The following KLHDC9 variants were observed in gnomAD, a reference collection of about 807,000 sequenced individuals.
KLHDC9 encodes kelch domain-containing protein 9.
KLHDC9 carries 26 observed loss-of-function variants against 31.5 expected under a neutral mutation model. That is an observed-to-expected ratio of 0.83 (90% confidence interval 0.61 to 1.15). KLHDC9 has a LOEUF of 1.15. Among genes scored for constraint, KLHDC9 ranks in the 50% most tolerant of loss-of-function variants. The pLI, the probability that KLHDC9 is intolerant of heterozygous loss-of-function variation, is 0.00. For missense variants in KLHDC9, 437 were observed against 467.7 expected (o/e 0.93, Z 0.61); for synonymous variants, 176 against 184.7 (o/e 0.95, Z 0.38).
rs1334979797 is a variant in KLHDC9, at chr1:161,100,290, T to A, written c.*66T>A. 7.0e-7 allele frequency: 1 copy of A among 1,435,376 alleles called. No individual in the cohort carries two copies. The highest frequency in any genetic ancestry group is 9.6e-7 in the Non-Finnish European group (1 of 1,040,834). 88.9% of individuals were successfully genotyped at this position (1,435,376 alleles called of 1,614,324 possible). On this transcript the variant is annotated 3_prime_UTR_variant, in exon 4 of 4. Coordinates refer to ENST00000368011, the MANE Select transcript of KLHDC9 (RefSeq NM_152366.5). ...TTTGTTGCAAACCTATAAAGCGTTA[T>A]CACCAGAGCTATCTGCTTCACTTCA...
chr1:161,100,060 G>A lies in KLHDC9; in HGVS notation c.887-1G>A, dbSNP rs1237012625. ...AACCACCCTCTGCCCGTATCCAACA[G>A]GCACATCTCCTCCTTTGTGGTTCCA... On this transcript the variant is annotated splice_acceptor_variant, in intron 3 of 3. Coordinates refer to ENST00000368011, the MANE Select transcript of KLHDC9 (RefSeq NM_152366.5). LOFTEE classifies it high-confidence loss of function. The A allele has an allele frequency of 1.1e-5, 17 of 1,614,176 alleles. No individual in the cohort carries two copies. The highest frequency in any genetic ancestry group is 1.4e-5 in the Non-Finnish European group (17 of 1,180,012).
Position 161,098,917 on chromosome 1 carries a change from C to T in KLHDC9, c.382C>T (p.Pro128Ser). ...GTGGACAGGGACCCCTGGTGACTGC[C>T]CCCCCGCCGGCCTCAGTAGTCACAC... is the stretch of plus-strand genomic sequence containing the variant. The part of the protein sequence containing the change: ...EAWTGTPGDC[P>S]PAGLSSHTCT... The change falls in exon 1 of 4, where the codon CCC becomes TCC. Residue 128 changes from proline to serine, a missense_variant. By Grantham distance (74) the Pro-to-Ser change is moderately conservative (BLOSUM62 -1). Coordinates refer to ENST00000368011, the MANE Select transcript of KLHDC9 (RefSeq NM_152366.5). The surrounding 1 kb of genome is among the most constrained non-coding windows in gnomAD (Gnocchi z 6.3). The T allele has an allele frequency of 6.4e-7, 1 of 1,570,876 alleles. No individual in the cohort carries two copies. The highest frequency in any genetic ancestry group is 8.6e-7 in the Non-Finnish European group (1 of 1,161,724).
At position 161,100,258 on chromosome 1, in the gene KLHDC9, G is replaced by A; in HGVS notation, c.*34G>A. On this transcript the variant is annotated 3_prime_UTR_variant, in exon 4 of 4. Transcript: ENST00000368011. ...AAGACACATCACTAAGCCTCGTTTTGTTTTGCTTTGTTGCAAACCTATAAA... is the reference window on the plus strand; with the variant it reads ...AAGACACATCACTAAGCCTCGTTTTATTTTGCTTTGTTGCAAACCTATAAA... The A allele has an allele frequency of 6.3e-7, 1 of 1,595,282 alleles. No homozygotes were observed. Among genetic ancestry groups the A allele is most frequent in the Non-Finnish European group, 8.6e-7 (1 of 1,166,218 alleles).
intron 3 of KLHDC9, 69 bp from the exon 4 acceptor site, chr1:161,099,992 G>A: frequency 6.4e-7 from 1 of 1,567,902 alleles, no homozygotes; most frequent in African/African-American, 1.3e-5. Context: ...CAAGCCCTTG[G>A]TCATGTTGAA....
In KLHDC9 at chr1:161,099,005, A is replaced by G. The variant is rs1289103995; in HGVS notation, c.470A>G (p.Gln157Arg). 6.3e-7 allele frequency: 1 copy of G among 1,595,994 alleles called. No individual in the cohort carries two copies. The highest frequency in any genetic ancestry group is 1.1e-5 in the South Asian group (1 of 90,324). ...VAGREGGIHT[Q>R]RRYGSIYTLR... The stretch of plus-strand genomic sequence containing the variant: ...GGCCGGGAGGGCGGTATCCACACTC[A>G]GCGACGCTATGGAAGCATCTACACA... The change falls in exon 1 of 4, where the codon CAG becomes CGG. Residue 157 changes from glutamine to arginine, a missense_variant. By Grantham distance (43) the Gln-to-Arg change is conservative (BLOSUM62 1). Transcript: ENST00000368011.
At position 161,098,863 on chromosome 1, in the gene KLHDC9, C is replaced by A. The variant is rs868417750; in HGVS notation, c.328C>A (p.Leu110Met). 2 of 1,579,006 alleles carry A rather than the reference C, an allele frequency of 1.3e-6. No individual in the cohort carries two copies. Among genetic ancestry groups the A allele is most frequent in the Admixed American group, 3.6e-5 (2 of 55,310 alleles). Residue 110 changes from leucine to methionine, a missense_variant, in exon 1 of 4, where the codon CTG becomes ATG. Leu to Met is a conservative substitution (Grantham distance 15). Coordinates refer to ENST00000368011, the MANE Select transcript of KLHDC9 (RefSeq NM_152366.5). The surrounding 1 kb of genome is among the most constrained non-coding windows in gnomAD (Gnocchi z 6.3). ...TCGCCGCTTGGCCACAGTGACCGCA[C>A]TGGACACAGAGCGCGGTGTGTGGGA... Reference protein sequence around the residue: ...GSRRLATVTALDTERGVWEAW... With the variant: ...GSRRLATVTAMDTERGVWEAW...
rs2101693439 is a variant in KLHDC9 at position 161,098,516 on chromosome 1, C to T, written c.-20C>T. 2 of 1,534,840 alleles carry T rather than the reference C, an allele frequency of 1.3e-6. No homozygotes were observed. Among genetic ancestry groups the T allele is most frequent in the South Asian group, 1.2e-5 (1 of 82,540 alleles). On this transcript the variant is annotated 5_prime_UTR_variant, in exon 1 of 4. Transcript: ENST00000368011. The surrounding 1 kb of genome is among the most constrained non-coding windows in gnomAD (Gnocchi z 6.3). ...CGTTCCAAGCCGCAGACCCCACCGC[C>T]CTCCCTCTCCCCGGGGCCCATGGCG...
At position 161,098,719 on chromosome 1, in the gene KLHDC9, G is replaced by A. The variant is rs781692583; in HGVS notation, c.184G>A (p.Asp62Asn). The change falls in exon 1 of 4, where the codon GAC (aspartate) becomes AAC (asparagine). Residue 62 changes from aspartate (D) to asparagine (N), a missense_variant. Transcript: ENST00000368011. The surrounding 1 kb of genome is among the most constrained non-coding windows in gnomAD (Gnocchi z 6.3). ...REPSSDTVVFDPARGQAVRLG... is the reference protein window; with the variant it reads ...REPSSDTVVFNPARGQAVRLG... ...GCCCAGCAGCGATACGGTGGTTTTCGACCCAGCTAGGGGCCAGGCCGTACG... is the reference window on the plus strand; with the variant it reads ...GCCCAGCAGCGATACGGTGGTTTTCAACCCAGCTAGGGGCCAGGCCGTACG... 1 of 1,611,586 alleles carries A rather than the reference G, an allele frequency of 6.2e-7. No homozygotes were observed. Among genetic ancestry groups the A allele is most frequent in the African/African-American group, 1.3e-5 (1 of 74,848 alleles).
At position 161,100,117 on chromosome 1, in the gene KLHDC9, A is replaced by G. The variant is rs199777766; in HGVS notation, c.943A>G (p.Met315Val). 7.4e-6 allele frequency: 12 copies of G among 1,614,184 alleles called. No individual in the cohort carries two copies. The East Asian group carries it at 2.2e-4, about 30-fold the overall frequency. ...CTGTGCAGATCGTGGGATGAAACGC[A>G]TGGGCCATCGCACCTGCCTTTGGAA... ...FPCADRGMKR[M>V]GHRTCLWNDQ... is the part of the protein sequence containing the mutation. The change falls in exon 4 of 4, where the codon ATG becomes GTG. Residue 315 changes from methionine (M) to valine (V), a missense_variant. Transcript: ENST00000368011.
Position 161,099,861 on chromosome 1 carries a change from G to A in KLHDC9, c.886+65G>A, listed in dbSNP as rs1189216163. 2.0e-6 allele frequency: 3 copies of A among 1,487,148 alleles called. No individual in the cohort carries two copies. The African/African-American group carries it at 4.2e-5, about 21-fold the overall frequency. 92.1% of individuals were successfully genotyped at this position (1,487,148 alleles called of 1,614,324 possible). A position where few individuals can be genotyped will look rare whatever the true frequency, so the allele number is the denominator to read the frequency against. On this transcript the variant is annotated intron_variant, in intron 3 of 3. Coordinates refer to ENST00000368011, the MANE Select transcript of KLHDC9 (RefSeq NM_152366.5). Reference sequence around the variant, plus strand: ...AAGATGGGGGAACCTGAAGACTACAGAAAGAGGATGGAGTGATGGGGTAGG... The same window carrying A: ...AAGATGGGGGAACCTGAAGACTACAAAAAGAGGATGGAGTGATGGGGTAGG...
At chr1:161,099,228 C>T (rs755158978) in intron 1 of KLHDC9, 118 bp from the exon 2 acceptor site, 2 of 1,336,706 alleles carry the variant, frequency 1.5e-6, no homozygotes, top group Non-Finnish European at 2.1e-6. Context: ...TATTACCCTC[C>T]CTCTTATCCC....
In KLHDC9 at chr1:161,098,529, G is replaced by A. The variant is rs890646398; in HGVS notation, c.-7G>A. On this transcript the variant is annotated 5_prime_UTR_variant, in exon 1 of 4. Transcript: ENST00000368011. The surrounding 1 kb of genome is among the most constrained non-coding windows in gnomAD (Gnocchi z 6.3). ...AGACCCCACCGCCCTCCCTCTCCCC[G>A]GGGCCCATGGCGGTGGCCGTGCCCC... 31 of 1,544,754 alleles carry A rather than the reference G, an allele frequency of 2.0e-5. No individual in the cohort carries two copies. Among genetic ancestry groups the A allele is most frequent in the Admixed American group, 4.0e-5 (2 of 50,410 alleles).
intron 1 of KLHDC9, 32 bp from the exon 2 acceptor site, chr1:161,099,314 C>T (rs1244373815): frequency 1.2e-6 from 2 of 1,613,636 alleles, no homozygotes; most frequent in Admixed American, 1.7e-5. Context: ...TCCAGAAAAC[C>T]CACTCAGCCC....
rs765302053 is a variant in KLHDC9 at position 161,099,016 on chromosome 1, GGAA to G, written c.483_485del (p.Ser162del). Reference sequence around the variant, plus strand: ...CGGTATCCACACTCAGCGACGCTATGGAAGCATCTACACATTAAGGCTGGACCC... The same window carrying G: ...CGGTATCCACACTCAGCGACGCTATGGCATCTACACATTAAGGCTGGACCC... On this transcript the variant is annotated inframe_deletion, in exon 1 of 4. Coordinates refer to ENST00000368011, the MANE Select transcript of KLHDC9 (RefSeq NM_152366.5). 4.1e-5 allele frequency: 65 copies of G among 1,596,622 alleles called. No homozygotes were observed. In the African/African-American group the frequency reaches 7.0e-4, roughly 17 times the overall value.
Position 161,098,368 on chromosome 1 carries a change from T to C in KLHDC9, c.-168T>C, listed in dbSNP as rs1198678426. The C allele has an allele frequency of 3.2e-6, 2 of 616,176 alleles. No homozygotes were observed. The highest frequency in any genetic ancestry group is 5.5e-6 in the Non-Finnish European group (2 of 363,066). 38.2% of individuals were successfully genotyped at this position (616,176 alleles called of 1,614,324 possible). ...GGTCGCGCTGCAGCCGCTGCAGTGG[T>C]TGCTGGGCGACCACGGAGAGAAAGC... On this transcript the variant is annotated 5_prime_UTR_variant, in exon 1 of 4. Transcript: ENST00000368011. This position sits in a 1 kb window ranked among gnomAD's most constrained non-coding sequence, Gnocchi z 6.3.
intron 1 of KLHDC9, 141 bp downstream of exon 1, chr1:161,099,203 C>G (rs1198301502): frequency 2.3e-6 from 3 of 1,294,198 alleles, no homozygotes; most frequent in Non-Finnish European, 3.3e-6. Context: ...TTTAAGCTAG[C>G]TGAGCTCTCT....
chr1:161,098,552 C>A lies in KLHDC9; in HGVS notation c.17C>A (p.Pro6His), dbSNP rs1272033673. The change falls in exon 1 of 4, where the codon CCC becomes CAC. Residue 6 changes from proline (P) to histidine (H), a missense_variant. Coordinates refer to ENST00000368011, the MANE Select transcript of KLHDC9 (RefSeq NM_152366.5). The surrounding 1 kb of genome is among the most constrained non-coding windows in gnomAD (Gnocchi z 6.3). MAVAV[P>H]PGRAAGSGWA... ...CCGGGGCCCATGGCGGTGGCCGTGC[C>A]CCCGGGTCGGGCCGCAGGCTCAGGC... 5.1e-6 allele frequency: 8 copies of A among 1,555,430 alleles called. No individual in the cohort carries two copies. The highest frequency in any genetic ancestry group is 7.0e-6 in the Non-Finnish European group (8 of 1,148,964).
chr1:161,099,290 T>C (rs1412822583), intron 1 of KLHDC9, 56 bp from the exon 2 acceptor site: 1 of 1,603,642 alleles, frequency 6.2e-7, no homozygotes, highest in Non-Finnish European at 8.5e-7. Flanking sequence ...GCAAGGGCGG[T>C]GGCACTTACA....
In KLHDC9 at chr1:161,098,800, G is replaced by C. The variant is rs1571175839; in HGVS notation, c.265G>C (p.Gly89Arg). ...TCACCACGACGCGGCACCCGTGGAC[G>C]GGCGTTGGCTCTGCGTGGTGGGCGG... ...RSHHDAAPVD[G>R]RWLCVVGGWD... Residue 89 changes from glycine to arginine, a missense_variant, in exon 1 of 4, where the codon GGG (glycine) becomes CGG (arginine). Transcript: ENST00000368011. This position sits in a 1 kb window ranked among gnomAD's most constrained non-coding sequence, Gnocchi z 6.3. The C allele has an allele frequency of 6.3e-7, 1 of 1,588,710 alleles. No homozygotes were observed. The highest frequency in any genetic ancestry group is 8.6e-7 in the Non-Finnish European group (1 of 1,167,656).
Sources: gnomAD v4.1 joint callset for allele counts on GRCh38, gnomAD v4.1.1 for gene constraint, Gnocchi (gnomAD v3.1) non-coding constraint, MANE v1.5 for transcripts, NCBI Gene and HGNC (gene_info 2026-07-23, HGNC 2026-07-21) for gene names.